FGF12: variants seen among roughly 807,000 people sequenced by gnomAD.
FGF12 encodes fibroblast growth factor 12, also known as fibroblast growth factor 12B.
FGF12 carries 14 observed loss-of-function variants against 23.6 expected under a neutral mutation model. The ratio of observed to expected loss-of-function variants is 0.59; its 90% CI spans 0.39 to 0.93. The LOEUF (loss-of-function observed/expected upper bound fraction) is 0.93, where lower values mean the gene tolerates loss of function less well. Ranked by LOEUF, FGF12 falls within the 40% of genes least tolerant of loss-of-function variation. The pLI, the probability that FGF12 is intolerant of heterozygous loss-of-function variation, is 0.00. For synonymous variants in FGF12, 62 were observed against 77.3 expected (o/e 0.80, Z 1.04); for missense variants, 175 against 217.8 (o/e 0.80, Z 1.24).
chr3:192,601,917 A>AT (rs35676895), intron 2 of FGF12, among the ~76,000 whole-genome samples: 6 of 151,864 alleles, frequency 4.0e-5, no homozygotes, highest in South Asian at 2.1e-4. Flanking sequence ...ACAACTGTCC[A>AT]TTTTTTTTAA....
intron 2 of FGF12, among the ~76,000 whole-genome samples, chr3:192,697,892 C>T (rs778341783): frequency 6.6e-6 from 1 of 152,118 alleles, no homozygotes; most frequent in Non-Finnish European, 1.5e-5. Context: ...AGTGCTTGTG[C>T]AAATGTTGCC....
intron 4 of FGF12, among the ~76,000 whole-genome samples, chr3:192,280,039 A>C (rs1714053691): frequency 6.6e-6 from 1 of 152,246 alleles, no homozygotes; most frequent in African/African-American, 2.4e-5. Context: ...ATGCAATCAA[A>C]AATATGTTTT....
chr3:192,305,679 A>AAATATATATATATAT (rs1423738741), intron 4 of FGF12, among the ~76,000 whole-genome samples: 22 of 131,918 alleles, frequency 1.7e-4, no homozygotes, highest in South Asian at 5.2e-4. Flanking sequence ...AAAAAAAAAA[A>AAATATATATATATAT]ATATATATAT....
At chr3:192,145,469 TCA>T (rs1713643666) in intron 5 of FGF12, among the ~76,000 whole-genome samples, 1 of 152,308 alleles carries the variant, frequency 6.6e-6, no homozygotes, top group Admixed American at 6.5e-5. Context: ...TACATGGGAA[TCA>T]CCTAGGAATA....
chr3:192,328,302 G>C (rs1465404489), intron 4 of FGF12, among the ~76,000 whole-genome samples: 2 of 152,174 alleles, frequency 1.3e-5, no homozygotes, highest in Non-Finnish European at 2.9e-5. Flanking sequence ...TAGGGGCTTT[G>C]GGTCACACAA....
intron 4 of FGF12, among the ~76,000 whole-genome samples, chr3:192,315,703 A>G (rs1394528640): frequency 2.0e-5 from 3 of 152,202 alleles, no homozygotes; most frequent in Non-Finnish European, 4.4e-5. Flanking sequence ...GGGGTATAGA[A>G]CAGCAAGAGA....
chr3:192,461,212 G>A (rs1040688237), intron 2 of FGF12, among the ~76,000 whole-genome samples: 1 of 152,096 alleles, frequency 6.6e-6, no homozygotes, highest in African/African-American at 2.4e-5. Context: ...GAATTACACT[G>A]GGAGGAACAT....
chr3:192,285,562 G>A (rs1183626567), intron 4 of FGF12, among the ~76,000 whole-genome samples: 1 of 151,838 alleles, frequency 6.6e-6, no homozygotes, highest in Non-Finnish European at 1.5e-5. Context: ...GTGTAGTTCA[G>A]TTACTGTCAT....
intron 2 of FGF12, among the ~76,000 whole-genome samples, chr3:192,367,789 C>A (rs906288369): frequency 5.9e-5 from 9 of 152,274 alleles, no homozygotes; most frequent in African/African-American, 2.2e-4. Context: ...TCTAGCCTGG[C>A]AGAATCTGCT....
chr3:192,721,416 T>C (rs1393481702), intron 2 of FGF12, among the ~76,000 whole-genome samples: 7 of 151,982 alleles, frequency 4.6e-5, no homozygotes, highest in Admixed American at 4.6e-4. Flanking sequence ...TTGTTATCTA[T>C]AAAATAAAGT....
At chr3:192,187,086 G>C (rs1177133563) in intron 4 of FGF12, among the ~76,000 whole-genome samples, 1 of 152,154 alleles carries the variant, frequency 6.6e-6, no homozygotes, top group Non-Finnish European at 1.5e-5. Flanking sequence ...AGGGGTCACA[G>C]CATCTCATCA....
chr3:192,549,933 T>C (rs10049022), intron 2 of FGF12, among the ~76,000 whole-genome samples: 33,059 of 151,990 alleles, frequency 0.22, 3,899 homozygotes, highest in Middle Eastern at 0.4. Context: ...AGGTCTCTAG[T>C]TTGCAGACTG....
intron 2 of FGF12, among the ~76,000 whole-genome samples, chr3:192,400,917 A>T (rs1206912501): frequency 1.3e-5 from 2 of 152,270 alleles, no homozygotes; most frequent in African/African-American, 4.8e-5. Flanking sequence ...CATCATCTAT[A>T]GCCTAGACCA....
At chr3:192,267,040 T>A (rs1302726628) in intron 4 of FGF12, 1 of 152,202 alleles carries the variant, frequency 6.6e-6, no homozygotes, top group African/African-American at 2.4e-5. Flanking sequence ...TTCATGCTAA[T>A]TTAAATTTTT....
At chr3:192,679,026 T>C (rs1368454855) in intron 2 of FGF12, among the ~76,000 whole-genome samples, 3 of 152,138 alleles carry the variant, frequency 2.0e-5, no homozygotes, top group Non-Finnish European at 4.4e-5. Flanking sequence ...ACAGTGCAGA[T>C]TTGGGGGCCA....
intron 2 of FGF12, among the ~76,000 whole-genome samples, chr3:192,487,650 C>A (rs572016871): frequency 1.5e-4 from 23 of 152,136 alleles, no homozygotes; most frequent in African/African-American, 5.1e-4. Flanking sequence ...TGCTGCCTAA[C>A]GTGCTTTGTT....
chr3:192,346,262 GCCCCATGATACTT>G (rs1287422728), intron 3 of FGF12, among the ~76,000 whole-genome samples: 2 of 152,054 alleles, frequency 1.3e-5, no homozygotes, highest in Non-Finnish European at 2.9e-5. Flanking sequence ...CTAAAATATG[GCCCCATGATACTT>G]CCAAATAATC....
chr3:192,244,753 T>C (rs1205802124), intron 4 of FGF12: 2 of 152,204 alleles, frequency 1.3e-5, no homozygotes, highest in Non-Finnish European at 2.9e-5. Flanking sequence ...ATGCTGATTT[T>C]GAAATCCAGA....
chr3:192,615,898 T>C (rs1193498294), intron 2 of FGF12, among the ~76,000 whole-genome samples: 1 of 152,024 alleles, frequency 6.6e-6, no homozygotes, highest in African/African-American at 2.4e-5. Context: ...ATATATTTCA[T>C]TGATTAAAAA....
Sources: gnomAD v4.1 joint callset for allele counts (sites outside exome capture counted in the v4.1 genomes callset) on GRCh38, gnomAD v4.1.1 for gene constraint, MANE v1.5 for transcripts, NCBI Gene and HGNC (gene_info 2026-07-23, HGNC 2026-07-21) for gene names.